Variants in NUGGC observed in about 807,000 individuals in gnomAD.
NUGGC encodes nuclear GTPase SLIP-GC.
In NUGGC, 58 loss-of-function variants were observed where a neutral mutation model predicts 92.6. That is an observed-to-expected ratio of 0.63 (90% CI 0.51 to 0.78). NUGGC has a LOEUF of 0.78. Among genes scored for constraint, NUGGC ranks in the 30% least tolerant of loss-of-function variants. NUGGC has a pLI of 0.00. For missense variants in NUGGC, 925 were observed against 964.6 expected (o/e 0.96, Z 0.54); for synonymous variants, 376 against 366.4 (o/e 1.03, Z -0.30).
intron 2 of NUGGC, among the ~76,000 whole-genome samples, chr8:28,073,691 G>A (rs1264559945): frequency 3.3e-5 from 5 of 152,094 alleles, no homozygotes; most frequent in African/African-American, 1.2e-4. Context: ...TCCAGGAGCC[G>A]CTCCAAGGCA....
intron 1 of NUGGC, among the ~76,000 whole-genome samples, chr8:28,077,693 T>C (rs1039163106): frequency 2.0e-5 from 3 of 152,186 alleles, no homozygotes; most frequent in African/African-American, 7.2e-5. Flanking sequence ...CAGTGAGCAC[T>C]GGAAGCAAAA....
At chr8:28,051,996 G>A (rs1810018419) in intron 10 of NUGGC, among the ~76,000 whole-genome samples, 1 of 152,260 alleles carries the variant, frequency 6.6e-6, no homozygotes, top group South Asian at 2.1e-4. Context: ...GGAAGGTCAA[G>A]TGAACCATAA....
At chr8:28,077,940 T>C (rs901933729) in intron 1 of NUGGC, among the ~76,000 whole-genome samples, 1 of 152,220 alleles carries the variant, frequency 6.6e-6, no homozygotes, top group African/African-American at 2.4e-5. Flanking sequence ...CAGAAGCAGC[T>C]GTGGTCACTG....
In NUGGC at chr8:28,069,554, T is replaced by A; in HGVS notation, c.247A>T (p.Lys83Ter). The A allele has an allele frequency of 6.4e-7, 1 of 1,564,944 alleles. No homozygotes were observed. The highest frequency in any genetic ancestry group is 8.8e-7 in the Non-Finnish European group (1 of 1,136,168). ...AGATTTCAGACTCACATGAGATACT[T>A]GACTCCATTAGGGATGCTGTCATCC... Reference protein sequence around the residue: ...FLDDSIPNGVKYLINRLLALI... With the variant: ...FLDDSIPNGV Residue 83 changes from lysine (K) to a stop codon, truncating the protein, a stop_gained, in exon 4 of 19, where the codon AAG becomes TAG. Coordinates refer to ENST00000413272, the MANE Select transcript of NUGGC (RefSeq NM_001010906.2). LOFTEE classifies it high-confidence loss of function.
Position 28,056,036 on chromosome 8 carries a change from G to T in NUGGC, c.1135C>A (p.Arg379=). 6.4e-7 allele frequency: 1 copy of T among 1,561,540 alleles called. No homozygotes were observed. Among genetic ancestry groups the T allele is most frequent in the Non-Finnish European group, 8.7e-7 (1 of 1,148,744 alleles). The change falls in exon 10 of 19, where the codon CGA becomes AGA. Residue 379 remains arginine, a synonymous_variant. Transcript: ENST00000413272. ...TCATTTCTTTCTAAAACAGCCTCTC[G>T]CTGACTCTGAATAGCTTGCTAGGTT... ...KAGNQAIQSQ[R]EAVLERNEMI...
chr8:28,038,809 C>T (rs1356884714), intron 13 of NUGGC, among the ~76,000 whole-genome samples: 2 of 152,038 alleles, frequency 1.3e-5, no homozygotes, highest in African/African-American at 2.4e-5. Context: ...TGAAGTTAGG[C>T]CGGCCTGGGT....
intron 13 of NUGGC, among the ~76,000 whole-genome samples, chr8:28,038,103 G>T (rs1809602579): frequency 6.6e-6 from 1 of 152,148 alleles, no homozygotes; most frequent in Non-Finnish European, 1.5e-5. Context: ...CTCTTCCCTT[G>T]GCTCTCGGGC....
intron 11 of NUGGC, 78 bp downstream of exon 11, chr8:28,047,429 G>T (rs117403640): frequency 2.2e-6 from 2 of 907,822 alleles, no homozygotes; most frequent in Non-Finnish European, 3.4e-6. Context: ...GGCACAAAAA[G>T]TTCTAGAGCA....
At chr8:28,077,457 T>C (rs1028641509) in intron 1 of NUGGC, among the ~76,000 whole-genome samples, 4 of 151,372 alleles carry the variant, frequency 2.6e-5, no homozygotes, top group Non-Finnish European at 4.4e-5. Flanking sequence ...GTACCCACTA[T>C]TTGGGAGGCT....
chr8:28,045,494 G>T (rs1437737404), intron 12 of NUGGC, 33 bp downstream of exon 12: 2 of 1,600,042 alleles, frequency 1.2e-6, no homozygotes, highest in Non-Finnish European at 1.7e-6. Flanking sequence ...GCCCAGGAAG[G>T]GGGAGAATAT....
chr8:28,041,915 C>T (rs139259058), intron 12 of NUGGC, among the ~76,000 whole-genome samples: 263 of 152,216 alleles, frequency 1.7e-3, no homozygotes, highest in Non-Finnish European at 3.4e-3. Context: ...TGTGTACCCA[C>T]CCAAATATCA....
At chr8:28,049,701 A>T (rs1337566973) in intron 10 of NUGGC, among the ~76,000 whole-genome samples, 1 of 152,256 alleles carries the variant, frequency 6.6e-6, no homozygotes, top group Non-Finnish European at 1.5e-5. Context: ...TCTAATTTAA[A>T]CACATGGCTT....
At chr8:28,059,633 C>T (rs1295121191) in intron 8 of NUGGC, among the ~76,000 whole-genome samples, 1 of 152,072 alleles carries the variant, frequency 6.6e-6, no homozygotes, top group Admixed American at 6.6e-5. Context: ...TGTAACAAAC[C>T]TGCACATCCT....
At chr8:28,032,360 GGACAGA>G (rs770099435) in intron 14 of NUGGC, among the ~76,000 whole-genome samples, 1 of 152,166 alleles carries the variant, frequency 6.6e-6, no homozygotes, top group Non-Finnish European at 1.5e-5. Flanking sequence ...CCAGCGGGAA[GGACAGA>G]GACTATGGGT....
intron 13 of NUGGC, among the ~76,000 whole-genome samples, chr8:28,034,214 A>G (rs1402300165): frequency 6.6e-6 from 1 of 152,278 alleles, no homozygotes; most frequent in Non-Finnish European, 1.5e-5. Context: ...TTAATGAAAT[A>G]CAATTTGATT....
At chr8:28,057,637 C>T (rs1412137688) in intron 9 of NUGGC, among the ~76,000 whole-genome samples, 2 of 152,118 alleles carry the variant, frequency 1.3e-5, no homozygotes, top group African/African-American at 2.4e-5. Context: ...CCAAGTCCTG[C>T]CATGATTTTC....
chr8:28,066,767 A>G (rs1449724263), intron 6 of NUGGC, among the ~76,000 whole-genome samples: 1 of 152,224 alleles, frequency 6.6e-6, no homozygotes, highest in Non-Finnish European at 1.5e-5. Context: ...CTAGTTGCCT[A>G]TCGAATGTCC....
At position 28,047,516 on chromosome 8, in the gene NUGGC, C is replaced by A. The variant is rs1276337157; in HGVS notation, c.1303G>T (p.Glu435Ter). 1 of 1,549,692 alleles carries A rather than the reference C, an allele frequency of 6.5e-7. No individual in the cohort carries two copies. ...AAAAAACATAAATTACCCGTTTCCT[C>A]CTCGGTGAGGAGAGCCTGCTGCCAG... ...EYWQQALLTEEETEIPKLREY... is the reference protein window; with the variant it reads ...EYWQQALLTE Residue 435 changes from glutamate to a stop codon, truncating the protein, a stop_gained, in exon 11 of 19, where the codon GAG becomes TAG. Transcript: ENST00000413272. LOFTEE classifies it high-confidence loss of function.
At chr8:28,046,966 G>C (rs1809853582) in intron 11 of NUGGC, among the ~76,000 whole-genome samples, 1 of 151,514 alleles carries the variant, frequency 6.6e-6, no homozygotes, top group Non-Finnish European at 1.5e-5. Context: ...AACATGCCTG[G>C]CTTTTTTTGT....
Sources: allele counts gnomAD v4.1 joint callset (sites outside exome capture counted in the v4.1 genomes callset), GRCh38; gene constraint gnomAD v4.1.1; transcripts MANE v1.5; gene names NCBI Gene and HGNC (gene_info 2026-07-23, HGNC 2026-07-21).